ODF2L: variants seen among roughly 807,000 people sequenced by gnomAD.
ODF2L encodes outer dense fiber of sperm tails 2 like.
ODF2L carries 76 observed loss-of-function variants against 86.3 expected under a neutral mutation model. The ratio of observed to expected loss-of-function variants is 0.88; its 90% confidence interval spans 0.73 to 1.07. ODF2L has a LOEUF of 1.07. Ranked by LOEUF, ODF2L falls within the 50% of genes least tolerant of loss-of-function variation. ODF2L has a pLI of 0.00. For missense variants in ODF2L, 748 were observed against 717.4 expected (o/e 1.04, Z -0.49); for synonymous variants, 241 against 231.3 (o/e 1.04, Z -0.38).
chr1:86,356,361 G>A, intron 14 of ODF2L, 83 bp downstream of exon 13: 1 of 1,110,058 alleles, frequency 9.0e-7, no homozygotes, highest in Non-Finnish European at 1.3e-6. Flanking sequence ...ATCAAGCCCT[G>A]ACATGAGTGC....
At position 86,366,561 on chromosome 1, in the gene ODF2L, G is replaced by A. The variant is rs373385844; in HGVS notation, c.1143+2075C>T. On this transcript the variant is annotated intron_variant, in intron 11 of 17. Transcript: ENST00000317336. ...GTCAAGGCTGCAGTGAGTTCTGATCGTGCCACTGCACTCCAGCATCAGCAA... is the reference window on the plus strand; with the variant it reads ...GTCAAGGCTGCAGTGAGTTCTGATCATGCCACTGCACTCCAGCATCAGCAA... 3.4e-4 allele frequency among the ~76,000 whole-genome samples: 50 copies of A among 147,008 alleles called. No individual in the cohort carries two copies. In the East Asian group the frequency reaches 7.2e-3, roughly 21 times the overall value.
chr1:86,347,963 A>T (rs1345383077), downstream of ODF2L: 1 of 152,150 alleles, frequency 6.6e-6, no homozygotes, highest in Non-Finnish European at 1.5e-5. Context: ...GCTTATTTTG[A>T]TCATCCCCAT....
At chr1:86,384,916 A>T in intron 3 of ODF2L, 115 bp from the exon 4 acceptor site, 1 of 710,406 alleles carries the variant, frequency 1.4e-6, no homozygotes, top group Non-Finnish European at 2.0e-6. Context: ...TCTTTTGTGC[A>T]TAGTAATAAT....
exon 18 of ODF2L, chr1:86,350,104 A>AT (rs1302075575): frequency 3.7e-5 from 12 of 323,728 alleles, no homozygotes; most frequent in Non-Finnish European, 4.9e-5. Flanking sequence ...TCAGATCTTT[A>AT]TTTTTTTTAA....
rs1182966171 is a variant in ODF2L, at chr1:86,354,874, A to C, written c.1519-15T>G. On this transcript the variant is annotated splice_polypyrimidine_tract_variant and intron_variant, in intron 14 of 17. Coordinates refer to ENST00000317336, the Ensembl canonical transcript of ODF2L. Reference sequence around the variant, plus strand: ...TTTCCATCAACCTAAAAGAAAAAAAAAAGTTTTCTTAGTCATTTTCTTCAC... The same window carrying C: ...TTTCCATCAACCTAAAAGAAAAAAACAAGTTTTCTTAGTCATTTTCTTCAC... The C allele has an allele frequency of 2.7e-6, 4 of 1,496,626 alleles. No homozygotes were observed. In the East Asian group the frequency reaches 9.1e-5, roughly 34 times the overall value. The allele number at this position is 1,496,626 out of a possible 1,614,324, so 92.7% of individuals were successfully genotyped here. A position where few individuals can be genotyped will look rare whatever the true frequency, so the allele number is the denominator to read the frequency against.
At chr1:86,389,140 C>T (rs781035449) in intron 1 of ODF2L, among the ~76,000 whole-genome samples, 3 of 152,104 alleles carry the variant, frequency 2.0e-5, no homozygotes, top group Non-Finnish European at 4.4e-5. Flanking sequence ...GAAATGCTAT[C>T]ATTTTATTGG....
chr1:86,366,041 G>T (rs1234688922), intron 11 of ODF2L, among the ~76,000 whole-genome samples: 4 of 152,094 alleles, frequency 2.6e-5, no homozygotes, highest in African/African-American at 9.7e-5. Context: ...ATGTATTTTG[G>T]CATTTTTAGG....
intron 10 of ODF2L, among the ~76,000 whole-genome samples, chr1:86,368,969 G>GA (rs1412017085): frequency 6.6e-6 from 1 of 151,892 alleles, no homozygotes; most frequent in Non-Finnish European, 1.5e-5. Context: ...TAACAACTAC[G>GA]AAAAAACAGA....
chr1:86,360,183 T>G (rs950597416), intron 12 of ODF2L, among the ~76,000 whole-genome samples: 11 of 152,152 alleles, frequency 7.2e-5, no homozygotes, highest in African/African-American at 2.7e-4. Context: ...ACCGATGTAA[T>G]TCATTTTAAA....
At chr1:86,355,124 A>G (rs1475362898) in intron 14 of ODF2L, 4 of 544,264 alleles carry the variant, frequency 7.3e-6, no homozygotes, top group Non-Finnish European at 1.3e-5. Flanking sequence ...CACTTTGAAC[A>G]ACACCTTATT....
chr1:86,393,384 GAAAA>G (rs71741271), intron 1 of ODF2L, among the ~76,000 whole-genome samples: 1 of 140,478 alleles, frequency 7.1e-6, no homozygotes. Flanking sequence ...GTAATTGTAT[GAAAA>G]AAAAAAAAAG....
At chr1:86,386,234 A>G (rs1660945559) in intron 2 of ODF2L, 1 of 152,238 alleles carries the variant, frequency 6.6e-6, no homozygotes, top group Non-Finnish European at 1.5e-5. Flanking sequence ...AAGAAGTATG[A>G]CAAGTATTTG....
Position 86,356,432 on chromosome 1 carries a change from ACGGCTGGACACCTGGC to A in ODF2L, c.1514_1518+11del. ...AACGCATCTAGCAAAACTCAGAAGGACGGCTGGACACCTGGCCCTGAAGCTCCCTAATGGTGTGTTC... is the reference window on the plus strand; with the variant it reads ...AACGCATCTAGCAAAACTCAGAAGGACCTGAAGCTCCCTAATGGTGTGTTC... On this transcript the variant is annotated splice_donor_variant and splice_donor_5th_base_variant and coding_sequence_variant and intron_variant, in exon 14 of 18. Coordinates refer to ENST00000317336, the Ensembl canonical transcript of ODF2L. LOFTEE classifies it high-confidence loss of function. 1 of 1,590,028 alleles carries A rather than the reference ACGGCTGGACACCTGGC, an allele frequency of 6.3e-7. No individual in the cohort carries two copies. Among genetic ancestry groups the A allele is most frequent in the Middle Eastern group, 1.7e-4 (1 of 5,900 alleles).
intron 13 of ODF2L, among the ~76,000 whole-genome samples, chr1:86,356,935 C>T (rs868247189): frequency 2.0e-5 from 3 of 152,054 alleles, no homozygotes; most frequent in African/African-American, 7.2e-5. Context: ...CTAATAAAGC[C>T]GTAATTGTCT....
intron 8 of ODF2L, among the ~76,000 whole-genome samples, chr1:86,375,198 G>A (rs1023911317): frequency 6.6e-6 from 1 of 151,958 alleles, no homozygotes; most frequent in Admixed American, 6.6e-5. Context: ...TGTGAGCCAG[G>A]GAAGAATATT....
At chr1:86,356,375 CA>C in intron 14 of ODF2L, 68 bp downstream of exon 13, 1 of 1,340,592 alleles carries the variant, frequency 7.5e-7, no homozygotes, top group African/African-American at 1.5e-5. Flanking sequence ...TGAGTGCCCT[CA>C]ACTGGTGAAA....
chr1:86,380,991 C>A (rs575522646), intron 7 of ODF2L, among the ~76,000 whole-genome samples: 3 of 150,282 alleles, frequency 2.0e-5, no homozygotes, highest in African/African-American at 4.9e-5. Flanking sequence ...CAAAAAAAAA[C>A]CACTGTCAAA....
chr1:86,383,242 C>G (rs1660706765), intron 4 of ODF2L, 46 bp from the exon 5 acceptor site: 1 of 997,396 alleles, frequency 1.0e-6, no homozygotes, highest in East Asian at 2.5e-5. Context: ...TTATATTTCT[C>G]TATATAAAAA....
chr1:86,380,282 A>C (rs898944921), intron 7 of ODF2L, among the ~76,000 whole-genome samples: 3 of 152,124 alleles, frequency 2.0e-5, no homozygotes, highest in African/African-American at 7.2e-5. Flanking sequence ...TTTAGATTTG[A>C]TTTTTTTGAA....
Sources: allele counts gnomAD v4.1 joint callset (sites outside exome capture counted in the v4.1 genomes callset), GRCh38; gene constraint gnomAD v4.1.1; transcripts MANE v1.5; gene names NCBI Gene and HGNC (gene_info 2026-07-23, HGNC 2026-07-21).